The following NKD1 variants were observed in gnomAD, a reference collection of about 807,000 sequenced individuals.
NKD1 encodes the protein NKD inhibitor of Wnt signaling pathway 1.
Under a neutral mutation model 56.0 loss-of-function variants are expected in NKD1, and 21 were observed. The ratio of observed to expected loss-of-function variants is 0.38; its 90% confidence interval spans 0.27 to 0.54. NKD1 has a LOEUF of 0.54. Among genes scored for constraint, NKD1 ranks in the 20% least tolerant of loss-of-function variants. The probability of loss-of-function intolerance (pLI) is 0.82; values close to 1 mark genes in which losing one functional copy is unlikely to be tolerated. For missense variants in NKD1, 578 were observed against 642.7 expected, an observed-to-expected ratio of 0.90 and a Z score of 1.09; for synonymous variants, 263 against 265.7, an observed-to-expected ratio of 0.99 and a Z score of 0.10.
At chr16:50,585,025 A>C (rs1961197428) in intron 3 of NKD1, among the ~76,000 whole-genome samples, 1 of 152,232 alleles carries the variant, frequency 6.6e-6, no homozygotes, top group Non-Finnish European at 1.5e-5. Flanking sequence ...TGCTGTCCTC[A>C]GGAGTCCGAG....
At chr16:50,563,363 C>T (rs1343767463) in intron 3 of NKD1, among the ~76,000 whole-genome samples, 1 of 151,032 alleles carries the variant, frequency 6.6e-6, no homozygotes, top group Non-Finnish European at 1.5e-5. Context: ...GGGCACAGCC[C>T]TAGATGCATG....
chr16:50,549,974 A>G (rs1960342295), intron 3 of NKD1, among the ~76,000 whole-genome samples: 1 of 152,082 alleles, frequency 6.6e-6, no homozygotes, highest in Non-Finnish European at 1.5e-5. Context: ...GGATCTGAAT[A>G]TGTTCTGATT....
chr16:50,633,052 G>A lies in NKD1; in HGVS notation c.824-140G>A, dbSNP rs928253694. On this transcript the variant is annotated intron_variant, in intron 9 of 9. Transcript: ENST00000268459. This position sits in a 1 kb window ranked among gnomAD's most constrained non-coding sequence, Gnocchi z 4.9. Reference sequence around the variant, plus strand: ...AAGTTCCATTTCAGAGAGTTTTCCTGCAAGGCAGTGAGGGGCAGTCAGGGC... The same window carrying A: ...AAGTTCCATTTCAGAGAGTTTTCCTACAAGGCAGTGAGGGGCAGTCAGGGC... The A allele has an allele frequency of 4.2e-6, 3 of 706,358 alleles. No individual in the cohort carries two copies. The highest frequency in any genetic ancestry group is 6.7e-6 in the Non-Finnish European group (3 of 449,168). The allele number at this position is 706,358 out of a possible 1,614,324, so 43.8% of individuals were successfully genotyped here.
At position 50,611,604 on chromosome 16, in the gene NKD1, G is replaced by A. The variant is rs529925190; in HGVS notation, c.259+3244G>A. On this transcript the variant is annotated intron_variant, in intron 4 of 9. Coordinates refer to ENST00000268459, the MANE Select transcript of NKD1 (RefSeq NM_033119.5). ...CAGCAGGGAGCAGTGTTAAGACTGA[G>A]GCCTGGTGGGGGCTGAGCAGCACTC... 2.0e-5 allele frequency among the ~76,000 whole-genome samples: 3 copies of A among 152,308 alleles called. No homozygotes were observed. In the South Asian group the frequency reaches 6.2e-4, roughly 32 times the overall value.
intron 3 of NKD1, 60 bp downstream of exon 3, chr16:50,549,615 C>T (rs1399990184): frequency 6.8e-7 from 1 of 1,461,618 alleles, no homozygotes; most frequent in African/African-American, 1.4e-5. Flanking sequence ...AGATGGGTCC[C>T]CAAACCCATG....
At chr16:50,597,170 A>G (rs1376244765) in intron 3 of NKD1, among the ~76,000 whole-genome samples, 1 of 151,950 alleles carries the variant, frequency 6.6e-6, no homozygotes, top group East Asian at 1.9e-4. Flanking sequence ...GAAGTGGAGG[A>G]GGTGGCAATG....
At chr16:50,611,367 G>GTAGGGCGTGGTC (rs1400863656) in intron 4 of NKD1, among the ~76,000 whole-genome samples, 1 of 120,834 alleles carries the variant, frequency 8.3e-6, no homozygotes, top group Non-Finnish European at 1.5e-5. Context: ...AGGCTGCTCT[G>GTAGGGCGTGGTC]CAGCTTCCCT....
chr16:50,620,358 A>G (rs920506290), intron 4 of NKD1, among the ~76,000 whole-genome samples: 3 of 152,170 alleles, frequency 2.0e-5, no homozygotes, highest in Non-Finnish European at 4.4e-5. Context: ...TCGGAGAGAC[A>G]CAAATCCCCC....
chr16:50,648,613 C>A lies in NKD1; in HGVS notation c.*14832C>A, dbSNP rs528058245. The A allele has an allele frequency of 6.6e-6, 1 of 152,310 alleles. No individual in the cohort carries two copies. Among genetic ancestry groups the A allele is most frequent in the Admixed American group, 6.5e-5 (1 of 15,286 alleles). The allele number at this position is 152,310 out of a possible 1,614,324, so 9.4% of individuals were successfully genotyped here. On this transcript the variant is annotated 3_prime_UTR_variant, in exon 10 of 10. Transcript: ENST00000268459. ...TTCTGTGCACAGGAAGCTAGTTGCT[C>A]CCCTGAATACACTCTTTCTTCCTTG...
chr16:50,646,145 G>A lies in NKD1; in HGVS notation c.*12364G>A, dbSNP rs1296446299. The A allele has an allele frequency of 3.9e-5, 6 of 152,040 alleles. No homozygotes were observed. Among genetic ancestry groups the A allele is most frequent in the East Asian group, 3.9e-4 (2 of 5,176 alleles). 9.4% of individuals were successfully genotyped at this position (152,040 alleles called of 1,614,324 possible). ...GGGGGAAGGGGGCCAGGGGGCGGCC[G>A]AAACTCTATTAGGCATGCTCTAGCA... On this transcript the variant is annotated 3_prime_UTR_variant, in exon 10 of 10. Coordinates refer to ENST00000268459, the MANE Select transcript of NKD1 (RefSeq NM_033119.5).
chr16:50,639,970 G>A lies in NKD1; in HGVS notation c.*6189G>A, dbSNP rs1306382979. 6.6e-6 allele frequency: 1 copy of A among 152,204 alleles called. No homozygotes were observed. 9.4% of individuals were successfully genotyped at this position (152,204 alleles called of 1,614,324 possible). On this transcript the variant is annotated 3_prime_UTR_variant, in exon 10 of 10. Coordinates refer to ENST00000268459, the MANE Select transcript of NKD1 (RefSeq NM_033119.5). Reference sequence around the variant, plus strand: ...CTAGGGCTTGTTGCGACTACCAGCTGTCTCATTTTGCTGTACTGCAAACTC... The same window carrying A: ...CTAGGGCTTGTTGCGACTACCAGCTATCTCATTTTGCTGTACTGCAAACTC...
chr16:50,590,272 T>C (rs1961336389), intron 3 of NKD1, among the ~76,000 whole-genome samples: 1 of 152,222 alleles, frequency 6.6e-6, no homozygotes, highest in Admixed American at 6.5e-5. Context: ...ACTGATACTT[T>C]TGTGTTTGTT....
chr16:50,612,202 C>T (rs546550823), intron 4 of NKD1, among the ~76,000 whole-genome samples: 4 of 152,348 alleles, frequency 2.6e-5, no homozygotes, highest in African/African-American at 4.8e-5. Context: ...CCCCTCCCTC[C>T]GGCCTCTCAG....
intron 3 of NKD1, among the ~76,000 whole-genome samples, chr16:50,602,919 G>T (rs1961628195): frequency 6.6e-6 from 1 of 152,206 alleles, no homozygotes; most frequent in East Asian, 1.9e-4. Flanking sequence ...GAAGTGCATT[G>T]CCCTAAACAT....
chr16:50,572,573 C>T (rs191115800), intron 3 of NKD1, among the ~76,000 whole-genome samples: 12 of 152,176 alleles, frequency 7.9e-5, no homozygotes, highest in Admixed American at 6.5e-4. Context: ...TTGTCTGCTC[C>T]GCCCTGTCTT....
In NKD1 at chr16:50,625,562, C is replaced by A; in HGVS notation, c.444C>A (p.Asn148Lys). ...WTFTLYDFDNNGKVTREDITS... is the reference protein window; with the variant it reads ...WTFTLYDFDNKGKVTREDITS... ...TCACCCTGTATGACTTTGACAACAA[C>A]GGCAAGGTCACCCGAGAGGTGAGTG... is the stretch of plus-strand genomic sequence containing the variant. Residue 148 changes from asparagine to lysine, a missense_variant, in exon 6 of 10, where the codon AAC (asparagine) becomes AAA (lysine). Coordinates refer to ENST00000268459, the MANE Select transcript of NKD1 (RefSeq NM_033119.5). 6.2e-7 allele frequency: 1 copy of A among 1,612,348 alleles called. No homozygotes were observed. Among genetic ancestry groups the A allele is most frequent in the South Asian group, 1.1e-5 (1 of 91,044 alleles).
chr16:50,613,566 A>G (rs1961896926), intron 4 of NKD1: 1 of 152,232 alleles, frequency 6.6e-6, no homozygotes, highest in African/African-American at 2.4e-5. Context: ...TGCAGCGGTG[A>G]CAGAGAACAA....
chr16:50,602,626 T>C (rs1180119249), intron 3 of NKD1, among the ~76,000 whole-genome samples: 1 of 152,184 alleles, frequency 6.6e-6, no homozygotes, highest in East Asian at 1.9e-4. Flanking sequence ...CCCTCCCCTC[T>C]CTGGAAGTCA....
intron 8 of NKD1, 110 bp downstream of exon 8, chr16:50,631,020 C>A: frequency 1.4e-6 from 1 of 729,482 alleles, no homozygotes; most frequent in Non-Finnish European, 2.2e-6. Flanking sequence ...TTCAGGGAGC[C>A]AACACTTTTG....
Sources: gnomAD v4.1 joint callset for allele counts (sites outside exome capture counted in the v4.1 genomes callset) on GRCh38, gnomAD v4.1.1 for gene constraint, Gnocchi (gnomAD v3.1) non-coding constraint, MANE v1.5 for transcripts, NCBI Gene and HGNC (gene_info 2026-07-23, HGNC 2026-07-21) for gene names.